MARCHF10: variants seen among roughly 807,000 people sequenced by gnomAD.
The protein encoded by MARCHF10 is membrane associated ring-CH-type finger 10.
MARCHF10 carries 64 observed loss-of-function variants against 76.2 expected under a neutral mutation model. The observed-to-expected ratio is 0.84, with a 90% CI of 0.69 to 1.03. The LOEUF (loss-of-function observed/expected upper bound fraction) is 1.03, where lower values mean the gene tolerates loss of function less well. Among genes scored for constraint, MARCHF10 ranks in the 50% least tolerant of loss-of-function variants. The pLI is 0.00. For synonymous variants in MARCHF10, 340 were observed against 357.5 expected, an observed-to-expected ratio of 0.95 and a Z score of 0.55; for missense variants, 875 against 958.0, an observed-to-expected ratio of 0.91 and a Z score of 1.14.
chr17:62,707,764 T>C (rs2089681955), intron 9 of MARCHF10, among the ~76,000 whole-genome samples: 1 of 152,370 alleles, frequency 6.6e-6, no homozygotes, highest in East Asian at 1.9e-4. Flanking sequence ...CCTTAGATTC[T>C]GAGTCTCTTC....
intron 4 of MARCHF10, among the ~76,000 whole-genome samples, chr17:62,756,337 T>C (rs1236500700): frequency 6.6e-6 from 1 of 151,848 alleles, no homozygotes. Flanking sequence ...TCACAGCTAC[T>C]TGGGAGGCCG....
At position 62,788,612 on chromosome 17, in the gene MARCHF10, A is replaced by T; in HGVS notation, c.91-13T>A. 1 of 1,613,856 alleles carries T rather than the reference A, an allele frequency of 6.2e-7. No individual in the cohort carries two copies. The highest frequency in any genetic ancestry group is 8.5e-7 in the Non-Finnish European group (1 of 1,179,990). ...GTCTCAGACAAGCCTGAAGAACAAC[A>T]ACAATAAAATGTTTGTCTTAGGACC... On this transcript the variant is annotated splice_polypyrimidine_tract_variant and intron_variant, in intron 2 of 10. Transcript: ENST00000311269.
rs778817603 is a variant in MARCHF10, at chr17:62,744,406, G to A, written c.505C>T (p.Pro169Ser). The A allele has an allele frequency of 6.2e-7, 1 of 1,614,110 alleles. No individual in the cohort carries two copies. Among genetic ancestry groups the A allele is most frequent in the Non-Finnish European group, 8.5e-7 (1 of 1,180,004 alleles). ...GDRSRQKQQW[P>S]AKVPVPRGAD... ...CCCCTGGGAACCGGCACCTTTGCAG[G>A]CCACTGCTGTTTCTGTCTGCTTCTG... Residue 169 changes from proline (P) to serine (S), a missense_variant, in exon 5 of 11, where the codon CCT (proline) becomes TCT (serine). By Grantham distance (74) the Pro-to-Ser change is moderately conservative. Coordinates refer to ENST00000311269, the MANE Select transcript of MARCHF10 (RefSeq NM_152598.4).
intron 6 of MARCHF10, among the ~76,000 whole-genome samples, chr17:62,730,212 C>A (rs1426417519): frequency 6.6e-5 from 10 of 151,838 alleles, no homozygotes; most frequent in African/African-American, 1.9e-4. Context: ...AAAAACCACA[C>A]AACAAAACCC....
Position 62,735,953 on chromosome 17 carries a change from T to C in MARCHF10, c.1915A>G (p.Lys639Glu). The part of the protein sequence containing the change: ...ETSKIKADPE[K>E]LKKLQESLLE... ...CACCTTTCTTGCAATTTCTTGAGTT[T>C]CTCAGGGTCTGCCTTTATCTTACTG... is the stretch of plus-strand genomic sequence containing the variant. The change falls in exon 6 of 11, where the codon AAA (lysine) becomes GAA (glutamate). Residue 639 changes from lysine (K) to glutamate (E), a missense_variant. By Grantham distance (56) the Lys-to-Glu change is moderately conservative (BLOSUM62 1). Transcript: ENST00000311269. 6.2e-7 allele frequency: 1 copy of C among 1,603,160 alleles called. No homozygotes were observed. Among genetic ancestry groups the C allele is most frequent in the South Asian group, 1.1e-5 (1 of 87,630 alleles).
chr17:62,723,779 T>C (rs2090617051), intron 7 of MARCHF10, among the ~76,000 whole-genome samples: 1 of 152,098 alleles, frequency 6.6e-6, no homozygotes, highest in Admixed American at 6.6e-5. Context: ...GCAGAGTCGT[T>C]AGCAACCAAA....
chr17:62,713,420 C>G (rs543280168), intron 8 of MARCHF10, among the ~76,000 whole-genome samples: 1 of 152,342 alleles, frequency 6.6e-6, no homozygotes, highest in African/African-American at 2.4e-5. Context: ...CTAATGTTTT[C>G]TGCAGATAAT....
rs17746153 is a variant in MARCHF10 at position 62,746,863 on chromosome 17, A to G, written c.383-2335T>C. ...GCCACTGAGCCCCGCCACTGCATTC[A>G]CCTTCACAGGGAGGGATGCTTCTGC... is the stretch of plus-strand genomic sequence containing the variant. On this transcript the variant is annotated intron_variant, in intron 4 of 10. Coordinates refer to ENST00000311269, the MANE Select transcript of MARCHF10 (RefSeq NM_152598.4). 0.3 allele frequency: 458,468 copies of G among 1,532,624 alleles called. 73,451 individuals carry two copies. The highest frequency in any genetic ancestry group is 0.35 in the Middle Eastern group (2,067 of 5,982). 94.9% of individuals were successfully genotyped at this position (1,532,624 alleles called of 1,614,324 possible). A position where few individuals can be genotyped will look rare whatever the true frequency, so the allele number is the denominator to read the frequency against.
At chr17:62,792,416 C>T (rs1034537951) in intron 2 of MARCHF10, among the ~76,000 whole-genome samples, 1 of 151,988 alleles carries the variant, frequency 6.6e-6, no homozygotes, top group Non-Finnish European at 1.5e-5. Flanking sequence ...ACAAGGCATA[C>T]AGTTGGTGAT....
chr17:62,711,525 G>A lies in MARCHF10; in HGVS notation c.2215-181C>T, dbSNP rs1370372686. Among the ~76,000 whole-genome samples, 1 of 152,070 alleles carries A rather than the reference G, an allele frequency of 6.6e-6. No homozygotes were observed. The highest frequency in any genetic ancestry group is 2.4e-5 in the African/African-American group (1 of 41,340). Reference sequence around the variant, plus strand: ...GGAGGAGATCCAGGGTAGAGGCCAGGGCAGCCACTCCCCTGGGATTTTTTA... The same window carrying A: ...GGAGGAGATCCAGGGTAGAGGCCAGAGCAGCCACTCCCCTGGGATTTTTTA... On this transcript the variant is annotated intron_variant, in intron 8 of 10. Transcript: ENST00000311269. This position sits in a 1 kb window ranked among gnomAD's most constrained non-coding sequence, Gnocchi z 4.4.
intron 4 of MARCHF10, among the ~76,000 whole-genome samples, chr17:62,748,222 C>T (rs1200060872): frequency 6.6e-6 from 1 of 151,994 alleles, no homozygotes; most frequent in Non-Finnish European, 1.5e-5. Flanking sequence ...ATAGTGAAAC[C>T]CCGTCTCTAC....
In MARCHF10 at chr17:62,744,489, G is replaced by A. The variant is rs1235141427; in HGVS notation, c.422C>T (p.Pro141Leu). The part of the protein sequence containing the change: ...APMVLLRKRK[P>L]NLRRFTVSPE... ...GCTGACTGTAAATCTCCTCAGGTTT[G>A]GCTTCCTCTTTCTTAATAAAACCAT... Residue 141 changes from proline (P) to leucine (L), a missense_variant, in exon 5 of 11, where the codon CCA (proline) becomes CTA (leucine). Pro to Leu is a moderately conservative substitution (Grantham distance 98). Coordinates refer to ENST00000311269, the MANE Select transcript of MARCHF10 (RefSeq NM_152598.4). 8.1e-6 allele frequency: 13 copies of A among 1,614,028 alleles called. No homozygotes were observed. Among genetic ancestry groups the A allele is most frequent in the Non-Finnish European group, 1.0e-5 (12 of 1,180,032 alleles).
intron 3 of MARCHF10, among the ~76,000 whole-genome samples, chr17:62,764,146 C>T (rs1337843737): frequency 6.6e-6 from 1 of 152,126 alleles, no homozygotes; most frequent in African/African-American, 2.4e-5. Context: ...TAGGACCTAA[C>T]AATATGGTGT....
chr17:62,742,803 T>C (rs2091563997), intron 5 of MARCHF10, among the ~76,000 whole-genome samples: 2 of 151,970 alleles, frequency 1.3e-5, no homozygotes, highest in African/African-American at 4.8e-5. Context: ...AGCTAATTTA[T>C]TTATTTTTTT....
intron 3 of MARCHF10, among the ~76,000 whole-genome samples, chr17:62,765,581 G>T (rs759453141): frequency 3.9e-5 from 6 of 152,066 alleles, no homozygotes; most frequent in Non-Finnish European, 7.4e-5. Context: ...TCACTACGGG[G>T]GTGCCCTCTG....
intron 2 of MARCHF10, among the ~76,000 whole-genome samples, 182 bp downstream of exon 2, chr17:62,801,464 T>TA (rs2093071507): frequency 6.6e-6 from 1 of 151,948 alleles, no homozygotes; most frequent in Non-Finnish European, 1.5e-5. Context: ...TCCCCGTTTT[T>TA]TTTTTTTTTT....
At chr17:62,752,960 C>T (rs1198324562) in intron 4 of MARCHF10, among the ~76,000 whole-genome samples, 2 of 152,154 alleles carry the variant, frequency 1.3e-5, no homozygotes, top group Non-Finnish European at 2.9e-5. Flanking sequence ...CTATGCAGAG[C>T]CCTTCCAGGA....
At chr17:62,787,743 T>C (rs1237151230) in intron 3 of MARCHF10, among the ~76,000 whole-genome samples, 1 of 151,782 alleles carries the variant, frequency 6.6e-6, no homozygotes. Context: ...GGGGCAAAGA[T>C]GGATGGATAG....
At chr17:62,748,042 G>A (rs1362812648) in intron 4 of MARCHF10, among the ~76,000 whole-genome samples, 2 of 152,080 alleles carry the variant, frequency 1.3e-5, no homozygotes, top group Non-Finnish European at 2.9e-5. Flanking sequence ...TCTCTTCTCT[G>A]TCTGTAAGTG....
Sources: allele counts gnomAD v4.1 joint callset (sites outside exome capture counted in the v4.1 genomes callset), GRCh38; gene constraint gnomAD v4.1.1; non-coding constraint Gnocchi (gnomAD v3.1); transcripts MANE v1.5; gene names NCBI Gene and HGNC (gene_info 2026-07-23, HGNC 2026-07-21).